POLM: variants seen among roughly 807,000 people sequenced by gnomAD.
The protein encoded by POLM is DNA polymerase mu, also known as DNA-directed DNA/RNA polymerase mu.
Under a neutral mutation model 56.7 loss-of-function variants are expected in POLM, and 52 were observed. That is an observed-to-expected ratio of 0.92 (90% CI 0.73 to 1.15). The LOEUF is 1.15. Among genes scored for constraint, POLM ranks in the 50% most tolerant of loss-of-function variants. The pLI, the probability that POLM is intolerant of heterozygous loss-of-function variation, is 0.00. For synonymous variants in POLM, 273 were observed against 274.3 expected, an observed-to-expected ratio of 1.00 and a Z score of 0.05; for missense variants, 660 against 663.6, an observed-to-expected ratio of 0.99 and a Z score of 0.06.
rs781688027 is a variant in POLM at position 44,074,118 on chromosome 7, G to A, written c.1071+13C>T. The stretch of plus-strand genomic sequence containing the variant: ...GGCCAGCGGTGGCTCTTGGGGAGCA[G>A]GGAGGCCCTCACCTGGTCCTGCAGG... On this transcript the variant is annotated intron_variant, in intron 8 of 10. Transcript: ENST00000242248. 7.5e-6 allele frequency: 12 copies of A among 1,605,382 alleles called. No individual in the cohort carries two copies. Among genetic ancestry groups the A allele is most frequent in the Non-Finnish European group, 9.3e-6 (11 of 1,178,128 alleles).
intron 10 of POLM, 78 bp from the exon 11 acceptor site, chr7:44,073,455 A>T: frequency 6.3e-7 from 1 of 1,585,498 alleles, no homozygotes; most frequent in Non-Finnish European, 8.6e-7. Context: ...AGGGTGGGGA[A>T]GAGCCCAGCG....
At chr7:44,078,566 G>T (rs907465990) in intron 5 of POLM, 174 bp downstream of exon 5, 9 of 592,748 alleles carry the variant, frequency 1.5e-5, no homozygotes, top group Non-Finnish European at 2.4e-5. Flanking sequence ...GTCTCCACTT[G>T]GCTGCCTTGT....
At position 44,073,798 on chromosome 7, in the gene POLM, A is replaced by G. The variant is rs1468444424; in HGVS notation, c.1299T>C (p.Gly433=). 2 of 1,614,024 alleles carry G rather than the reference A, an allele frequency of 1.2e-6. No homozygotes were observed. The highest frequency in any genetic ancestry group is 2.7e-5 in the African/African-American group (2 of 74,938). The change falls in exon 9 of 11, where the codon GGT becomes GGC. Residue 433 remains glycine, a synonymous_variant. Coordinates refer to ENST00000242248, the MANE Select transcript of POLM (RefSeq NM_013284.4). ...CACTGCCTACCTTGGAGCCAGTCCAACCGAGCAGGGCGAAAGGGAACTGGC... is the reference window on the plus strand; with the variant it reads ...CACTGCCTACCTTGGAGCCAGTCCAGCCGAGCAGGGCGAAAGGGAACTGGC... ...PVSQFPFALL[G]WTGSKLFQRE...
chr7:44,078,731 C>A lies in POLM; in HGVS notation c.714+9G>T, dbSNP rs200549354. On this transcript the variant is annotated intron_variant, in intron 5 of 10. Coordinates refer to ENST00000242248, the MANE Select transcript of POLM (RefSeq NM_013284.4). The stretch of plus-strand genomic sequence containing the variant: ...TTCCTGGGGTAGGTCCGAGCCCTGC[C>A]CTGCGCACCTTCATGGTCTGGTACC... 3.0e-4 allele frequency: 485 copies of A among 1,612,744 alleles called. No homozygotes were observed. The highest frequency in any genetic ancestry group is 3.9e-4 in the Non-Finnish European group (460 of 1,178,924).
In POLM at chr7:44,082,322, C is replaced by A; in HGVS notation, c.117G>T (p.Met39Ile). 6.4e-7 allele frequency: 1 copy of A among 1,560,450 alleles called. No homozygotes were observed. The highest frequency in any genetic ancestry group is 1.4e-5 in the African/African-American group (1 of 70,828). The change falls in exon 1 of 11, where the codon ATG becomes ATT. Residue 39 changes from methionine to isoleucine, a missense_variant. Transcript: ENST00000242248. ...TGAGGAAGGCCCGGCGGCTGCGACC[C>A]ATGCGAGGCTCGACCAGGTAGATGG... ...GVAIYLVEPR[M>I]GRSRRAFLTG...
intron 2 of POLM, 81 bp downstream of exon 2, chr7:44,080,652 C>T: frequency 1.4e-6 from 2 of 1,418,810 alleles, no homozygotes; most frequent in East Asian, 2.3e-5. Context: ...GCATTGCTGC[C>T]ATGTCACCTG....
rs2096197702 is a variant in POLM at position 44,080,827 on chromosome 7, C to CCCG, written c.275_277dup (p.Pro92_Gly93insAla). ...GTCCAGCAGAGCTGGGGGGGTGCAA[C>CCCG]CCGGGGGAGCAGCTGCCATCCTGCG... On this transcript the variant is annotated inframe_insertion, in exon 2 of 11. Coordinates refer to ENST00000242248, the MANE Select transcript of POLM (RefSeq NM_013284.4). The CCCG allele has an allele frequency of 6.2e-7, 1 of 1,613,100 alleles. No homozygotes were observed. The highest frequency in any genetic ancestry group is 1.3e-5 in the African/African-American group (1 of 75,034).
intron 5 of POLM, among the ~76,000 whole-genome samples, chr7:44,077,740 C>A (rs1178033747): frequency 6.6e-6 from 1 of 152,156 alleles, no homozygotes; most frequent in African/African-American, 2.4e-5. Context: ...GCCCATTTGC[C>A]CTGCACACAC....
At position 44,073,102 on chromosome 7, in the gene POLM, TCACACCCTGCAG is replaced by T; in HGVS notation, c.*177_*188del. ...GCTGGCACTGAGGGCTCCCACCTCA[TCACACCCTGCAG>T]CACACCAGCAGGGGCTCAACTGATC... On this transcript the variant is annotated 3_prime_UTR_variant, in exon 11 of 11. Coordinates refer to ENST00000242248, the MANE Select transcript of POLM (RefSeq NM_013284.4). The T allele has an allele frequency of 6.8e-7, 1 of 1,467,204 alleles. No individual in the cohort carries two copies. 90.9% of individuals were successfully genotyped at this position (1,467,204 alleles called of 1,614,324 possible). A position where few individuals can be genotyped will look rare whatever the true frequency, so the allele number is the denominator to read the frequency against.
chr7:44,075,619 G>C (rs1413364971), intron 6 of POLM: 2 of 152,262 alleles, frequency 1.3e-5, no homozygotes, highest in African/African-American at 4.8e-5. Flanking sequence ...GGTGTGGCCA[G>C]AGTAGCCAGG....
At chr7:44,076,935 C>G (rs1325035252) in intron 5 of POLM, 1 of 251,512 alleles carries the variant, frequency 4.0e-6, no homozygotes, top group Non-Finnish European at 7.7e-6. Context: ...CGAGGGGCTC[C>G]TAAGTCACTG....
intron 5 of POLM, among the ~76,000 whole-genome samples, chr7:44,077,294 G>A (rs964109828): frequency 6.6e-6 from 1 of 152,248 alleles, no homozygotes; most frequent in African/African-American, 2.4e-5. Context: ...AAGAGAGGGC[G>A]AAGCCACCGT....
At position 44,074,225 on chromosome 7, in the gene POLM, A is replaced by C. The variant is rs779314608; in HGVS notation, c.977T>G (p.Leu326Trp). The C allele has an allele frequency of 6.3e-7, 1 of 1,581,344 alleles. No homozygotes were observed. Among genetic ancestry groups the C allele is most frequent in the Admixed American group, 1.8e-5 (1 of 54,496 alleles). ...TLTGGFRRGK[L>W]QGHDVDFLIT... ...GAGGAAGTCCACGTCATGGCCCTGCAACTTCCCCCTGAGGGCGTCAGTCTG... is the reference window on the plus strand; with the variant it reads ...GAGGAAGTCCACGTCATGGCCCTGCCACTTCCCCCTGAGGGCGTCAGTCTG... The change falls in exon 8 of 11, where the codon TTG becomes TGG. Residue 326 changes from leucine to tryptophan, a missense_variant. Transcript: ENST00000242248.
chr7:44,079,554 G>C lies in POLM; in HGVS notation c.642+17C>G. The stretch of plus-strand genomic sequence containing the variant: ...CCCCACCCACCCACTCACCCTGCTA[G>C]GATGGTAAGCACCTACCTGGACAAC... On this transcript the variant is annotated intron_variant, in intron 4 of 10. Transcript: ENST00000242248. The C allele has an allele frequency of 6.9e-7, 1 of 1,454,078 alleles. No individual in the cohort carries two copies. The highest frequency in any genetic ancestry group is 1.7e-5 in the Admixed American group (1 of 57,608). 90.1% of individuals were successfully genotyped at this position (1,454,078 alleles called of 1,614,324 possible). A position where few individuals can be genotyped will look rare whatever the true frequency, so the allele number is the denominator to read the frequency against.
At chr7:44,078,601 C>A in intron 5 of POLM, 139 bp downstream of exon 5, 1 of 694,112 alleles carries the variant, frequency 1.4e-6, no homozygotes, top group South Asian at 1.7e-5. Flanking sequence ...AGCTTAGCTG[C>A]CACTTCCTCG....
chr7:44,079,033 C>G (rs532960586), intron 4 of POLM, among the ~76,000 whole-genome samples: 118 of 152,308 alleles, frequency 7.7e-4, no homozygotes, highest in African/African-American at 2.7e-3. Flanking sequence ...GGTCAGGGCT[C>G]CAGCCTCAAA....
At chr7:44,078,870 C>T (rs150582649) in intron 4 of POLM, 59 bp from the exon 5 acceptor site, 134 of 1,479,974 alleles carry the variant, frequency 9.1e-5, no homozygotes, top group African/African-American at 4.4e-4. Flanking sequence ...AAGAGAAGGG[C>T]GGGGAGTTAG....
At chr7:44,080,357 G>T in intron 2 of POLM, 1 of 545,074 alleles carries the variant, frequency 1.8e-6, no homozygotes, top group South Asian at 1.5e-5. Flanking sequence ...CTGGCCCCAA[G>T]CCCACACCTG....
chr7:44,079,244 G>GA (rs2096192443), intron 4 of POLM, among the ~76,000 whole-genome samples: 1 of 152,206 alleles, frequency 6.6e-6, no homozygotes, highest in African/African-American at 2.4e-5. Context: ...CTGGGGCACT[G>GA]AAAAGAGATG....
Sources: allele counts gnomAD v4.1 joint callset (sites outside exome capture counted in the v4.1 genomes callset), GRCh38; gene constraint gnomAD v4.1.1; transcripts MANE v1.5; gene names NCBI Gene and HGNC (gene_info 2026-07-23, HGNC 2026-07-21).